Variants in CEP63 observed in about 807,000 individuals in gnomAD.
CEP63 encodes the protein centrosomal protein 63.
A neutral mutation model predicts 89.1 loss-of-function variants in CEP63; 84 were observed. That is an observed-to-expected ratio of 0.94 (90% CI 0.79 to 1.13). CEP63 has a LOEUF of 1.13. CEP63 is among the 50% of genes most tolerant of loss of function. The pLI is 0.00. For missense variants in CEP63, 838 were observed against 813.3 expected (o/e 1.03, Z -0.37); for synonymous variants, 267 against 272.5 (o/e 0.98, Z 0.20).
intron 3 of CEP63, among the ~76,000 whole-genome samples, chr3:134,514,938 C>G (rs572069179): frequency 6.6e-6 from 1 of 152,120 alleles, no homozygotes; most frequent in Non-Finnish European, 1.5e-5. Flanking sequence ...AGGCTGGACT[C>G]GAACTCCTGG....
chr3:134,720,868 C>T, the CEP63 span, among the ~76,000 whole-genome samples: 25 of 152,198 alleles, frequency 1.6e-4, no homozygotes, highest in Admixed American at 7.8e-4. Context: ...CACACAGTAT[C>T]GATTACTGTA....
At chr3:134,751,906 T>C in the CEP63 span, among the ~76,000 whole-genome samples, 1 of 152,196 alleles carries the variant, frequency 6.6e-6, no homozygotes, top group Non-Finnish European at 1.5e-5. Context: ...GCACTTCTTA[T>C]AGTCCACAAA....
intron 2 of CEP63, among the ~76,000 whole-genome samples, chr3:134,504,696 C>T (rs1368337869): frequency 1.2e-5 from 1 of 84,022 alleles, no homozygotes; most frequent in Non-Finnish European, 2.7e-5. Context: ...AATTGGTTTT[C>T]TGTACCTATG....
At chr3:134,558,711 A>T (rs1330002991) in intron 13 of CEP63, among the ~76,000 whole-genome samples, 5 of 152,226 alleles carry the variant, frequency 3.3e-5, no homozygotes, top group African/African-American at 9.6e-5. Flanking sequence ...ATAGGCTGTT[A>T]CCGTAAGAAA....
At chr3:134,577,785 G>A (rs1431229174), downstream of CEP63, among the ~76,000 whole-genome samples, 3 of 151,932 alleles carry the variant, frequency 2.0e-5, no homozygotes, top group South Asian at 4.2e-4. Flanking sequence ...GTCCACCCCC[G>A]CGACAGGCCT....
the CEP63 span, among the ~76,000 whole-genome samples, chr3:134,598,660 G>A: frequency 1.3e-5 from 2 of 152,202 alleles, no homozygotes; most frequent in African/African-American, 4.8e-5. Context: ...AGAGCAGGTG[G>A]GAGGTGAGAC....
At chr3:134,753,010 G>T in the CEP63 span, among the ~76,000 whole-genome samples, 14 of 152,124 alleles carry the variant, frequency 9.2e-5, no homozygotes, top group African/African-American at 3.1e-4. Context: ...AGGGCCTCTG[G>T]GGAGTTCAGG....
chr3:134,687,428 G>A, the CEP63 span, among the ~76,000 whole-genome samples: 1 of 152,204 alleles, frequency 6.6e-6, no homozygotes, highest in Admixed American at 6.5e-5. Context: ...TTATTGCCTA[G>A]GTGCCTGAAG....
At chr3:134,683,431 A>G in the CEP63 span, among the ~76,000 whole-genome samples, 1 of 152,294 alleles carries the variant, frequency 6.6e-6, no homozygotes, top group South Asian at 2.1e-4. Flanking sequence ...TCAAGGTCAA[A>G]CAGCATGATT....
the CEP63 span, among the ~76,000 whole-genome samples, chr3:134,738,249 TACACACACACACAC>T: frequency 1.4e-3 from 203 of 145,662 alleles, 1 homozygote; most frequent in East Asian, 0.027. Flanking sequence ...TATTCCATCA[TACACACACACACAC>T]ACACACACAC....
the CEP63 span, among the ~76,000 whole-genome samples, chr3:134,597,251 G>A: frequency 2.6e-5 from 4 of 152,294 alleles, no homozygotes; most frequent in Non-Finnish European, 5.9e-5. Flanking sequence ...GGAGAAATAA[G>A]AAAGAAGCTG....
downstream of CEP63, among the ~76,000 whole-genome samples, chr3:134,592,129 T>A (rs1308493251): frequency 3.3e-5 from 5 of 152,112 alleles, no homozygotes; most frequent in African/African-American, 1.2e-4. Flanking sequence ...AGGAGCTGCT[T>A]CCAAGATAGC....
At chr3:134,532,688 C>A in intron 4 of CEP63, 90 bp from the exon 5 acceptor site, 1 of 1,003,954 alleles carries the variant, frequency 1.0e-6, no homozygotes, top group Non-Finnish European at 1.5e-6. Flanking sequence ...TACTGGTTAG[C>A]ACTGCTCTTG....
chr3:134,601,986 T>TCC, the CEP63 span, among the ~76,000 whole-genome samples: 4 of 12,750 alleles, frequency 3.1e-4, no homozygotes, highest in African/African-American at 1.0e-3. Flanking sequence ...CTGGTACTTC[T>TCC]GTGAGCATTT....
chr3:134,610,499 T>C, the CEP63 span: 22 of 854,528 alleles, frequency 2.6e-5, no homozygotes, highest in Non-Finnish European at 3.8e-5. Context: ...CTGTCTATCC[T>C]TTTCCTTGCT....
At chr3:134,663,704 CCAGAGGGGCCAGGAA>C in the CEP63 span, among the ~76,000 whole-genome samples, 1 of 94,920 alleles carries the variant, frequency 1.1e-5, no homozygotes, top group Non-Finnish European at 2.5e-5. Context: ...ATGCGGGGCC[CCAGAGGGGCCAGGAA>C]GGAGGGATAT....
the CEP63 span, chr3:134,629,595 A>G: frequency 1.1e-5 from 18 of 1,569,078 alleles, no homozygotes; most frequent in Non-Finnish European, 1.5e-5. Context: ...CCAGCCCTCC[A>G]CCATGAGTAC....
At chr3:134,655,103 G>T in the CEP63 span, among the ~76,000 whole-genome samples, 3 of 152,192 alleles carry the variant, frequency 2.0e-5, no homozygotes, top group African/African-American at 7.2e-5. Context: ...TGAGGGTGTT[G>T]CTGGGATTAA....
intron 3 of CEP63, among the ~76,000 whole-genome samples, chr3:134,509,419 A>G (rs1944312389): frequency 6.6e-6 from 1 of 152,232 alleles, no homozygotes. Context: ...ATTGGGGATT[A>G]TAGTTCCACA....
Sources: gnomAD v4.1 joint callset for allele counts (sites outside exome capture counted in the v4.1 genomes callset) on GRCh38, gnomAD v4.1.1 for gene constraint, MANE v1.5 for transcripts, NCBI Gene and HGNC (gene_info 2026-07-23, HGNC 2026-07-21) for gene names.